Variants in ZBTB46 observed in about 807,000 individuals in gnomAD.
ZBTB46 encodes the protein zinc finger and BTB domain containing 46, also known as zinc finger and BTB domain-containing protein 46.
A neutral mutation model predicts 44.1 loss-of-function variants in ZBTB46; 8 were observed. That is an observed-to-expected ratio of 0.18 (90% CI 0.11 to 0.33). The LOEUF (loss-of-function observed/expected upper bound fraction) is 0.33. ZBTB46 is among the 10% of genes least tolerant of loss of function. The pLI is 1.00. For missense variants in ZBTB46, 651 were observed against 847.7 expected (o/e 0.77, Z 2.88); for synonymous variants, 409 against 382.3 (o/e 1.07, Z -0.81).
rs538967583 is a variant in ZBTB46, at chr20:63,805,750, T to C, written c.-33-14960A>G. ...CTAATACACAAAGCCATGCATCAGC[T>C]TTTTTTTTTTTTTCCTTTTTTTTGA... On this transcript the variant is annotated intron_variant, in intron 1 of 4. Transcript: ENST00000245663. 4.1e-3 allele frequency among the ~76,000 whole-genome samples: 400 copies of C among 97,176 alleles called. 1 individual carries two copies. Among genetic ancestry groups the C allele is most frequent in the Middle Eastern group, 0.013 (3 of 236 alleles). 63.8% of individuals were successfully genotyped at this position (97,176 alleles called of 152,430 possible).
intron 4 of ZBTB46, among the ~76,000 whole-genome samples, chr20:63,748,127 TC>T: frequency 6.6e-6 from 1 of 152,142 alleles, no homozygotes; most frequent in Middle Eastern, 3.4e-3. Context: ...AGGAGGCAAC[TC>T]CCCCACTCTC....
chr20:63,774,689 GTTTTTT>G (rs1292458776), intron 3 of ZBTB46, among the ~76,000 whole-genome samples: 1 of 44,138 alleles, frequency 2.3e-5, no homozygotes, highest in Admixed American at 2.4e-4. Context: ...GCTGCGGTGG[GTTTTTT>G]TTGTTTTTTT....
chr20:63,755,456 C>G (rs749485353), intron 3 of ZBTB46, among the ~76,000 whole-genome samples: 1 of 152,236 alleles, frequency 6.6e-6, no homozygotes, highest in African/African-American at 2.4e-5. Flanking sequence ...GGCCTTTTCT[C>G]TGTCTGTGTC....
At position 63,752,743 on chromosome 20, in the gene ZBTB46, G is replaced by A. The variant is rs1198127681; in HGVS notation, c.1341C>T (p.Pro447=). The change falls in exon 4 of 5, where the codon CCC becomes CCT. Residue 447 remains proline, a synonymous_variant. Transcript: ENST00000245663. This position sits in a 1 kb window ranked among gnomAD's most constrained non-coding sequence, Gnocchi z 5.6. Reference sequence around the variant, plus strand: ...TGAACTTCTTCCCGCAGATCTCGCAGGGGTAGGGCCGCTCTCCCGTGTGCG... The same window carrying A: ...TGAACTTCTTCCCGCAGATCTCGCAAGGGTAGGGCCGCTCTCCCGTGTGCG... ...MRSHTGERPY[P]CEICGKKFTR... is the part of the protein sequence containing the mutation. The A allele has an allele frequency of 2.5e-6, 4 of 1,611,100 alleles. No individual in the cohort carries two copies.
upstream of ZBTB46, among the ~76,000 whole-genome samples, chr20:63,831,420 C>CG (rs1480762900): frequency 7.0e-6 from 1 of 143,460 alleles, no homozygotes; most frequent in Non-Finnish European, 1.5e-5. Context: ...CCGCCCACGC[C>CG]GGCCCGGCCG....
Position 63,775,802 on chromosome 20 carries a change from C to G in ZBTB46, c.1098G>C (p.Ala366=). The G allele has an allele frequency of 1.2e-6, 2 of 1,613,394 alleles. No individual in the cohort carries two copies. The highest frequency in any genetic ancestry group is 1.7e-6 in the Non-Finnish European group (2 of 1,179,972). Residue 366 remains alanine, a synonymous_variant, in exon 3 of 5, where the codon GCG becomes GCC. Coordinates refer to ENST00000245663, the MANE Select transcript of ZBTB46 (RefSeq NM_001369741.1). ...EKDDALHQAT[A]VANLRAALMS... ...TGAGCGCCGCGCGCAGGTTGGCCAC[C>G]GCGGTGGCCTGATGCAGGGCGTCGT...
chr20:63,781,707 G>C (rs1445416269), intron 2 of ZBTB46, among the ~76,000 whole-genome samples: 1 of 151,990 alleles, frequency 6.6e-6, no homozygotes, highest in South Asian at 2.1e-4. Context: ...CAGGAGAATT[G>C]CTTGAACCTA....
Position 63,816,162 on chromosome 20 carries a change from G to A in ZBTB46, c.-34+14935C>T, listed in dbSNP as rs1033212140. On this transcript the variant is annotated intron_variant, in intron 1 of 4. Coordinates refer to ENST00000245663, the MANE Select transcript of ZBTB46 (RefSeq NM_001369741.1). ...GTGGGTGCAGGTGCAGTGGGTGCAG[G>A]TGCGGTGGGCACAGATGCAGTGGGC... 5.3e-3 allele frequency among the ~76,000 whole-genome samples: 777 copies of A among 147,028 alleles called. 9 individuals are homozygous for A. Among genetic ancestry groups the A allele is most frequent in the African/African-American group, 0.018 (720 of 39,176 alleles).
intron 1 of ZBTB46, among the ~76,000 whole-genome samples, chr20:63,802,156 C>T (rs1019005887): frequency 1.3e-5 from 2 of 152,130 alleles, no homozygotes; most frequent in African/African-American, 4.8e-5. Flanking sequence ...GACACGATGG[C>T]TCACACCTGT....
intron 2 of ZBTB46, among the ~76,000 whole-genome samples, chr20:63,781,808 G>A (rs1308911075): frequency 3.3e-5 from 5 of 151,338 alleles, no homozygotes; most frequent in Admixed American, 3.3e-4. Context: ...AATAGAGGCC[G>A]GGCGCGGTGG....
chr20:63,810,526 A>G (rs938178407), intron 1 of ZBTB46, among the ~76,000 whole-genome samples: 1 of 152,198 alleles, frequency 6.6e-6, no homozygotes, highest in Non-Finnish European at 1.5e-5. Flanking sequence ...CAGGTGGATC[A>G]TATGAGATCA....
At chr20:63,793,969 G>A (rs2145945532) in intron 1 of ZBTB46, among the ~76,000 whole-genome samples, 1 of 152,236 alleles carries the variant, frequency 6.6e-6, no homozygotes, top group Non-Finnish European at 1.5e-5. Context: ...GGTGGATCAT[G>A]AGGTCAGGAG....
At chr20:63,770,771 C>T (rs957644142) in intron 3 of ZBTB46, among the ~76,000 whole-genome samples, 4 of 152,212 alleles carry the variant, frequency 2.6e-5, no homozygotes, top group South Asian at 2.1e-4. Context: ...CCCGGCACCC[C>T]GTACCGCAAA....
chr20:63,833,151 G>A (rs1405967827), upstream of ZBTB46, among the ~76,000 whole-genome samples: 1 of 152,244 alleles, frequency 6.6e-6, no homozygotes, highest in Non-Finnish European at 1.5e-5. Context: ...TGTCCATGCA[G>A]GGATGGAGAG....
intron 1 of ZBTB46, among the ~76,000 whole-genome samples, chr20:63,805,916 G>A (rs745951839): frequency 6.6e-5 from 10 of 151,838 alleles, no homozygotes; most frequent in Admixed American, 2.0e-4. Flanking sequence ...GGGATTATAG[G>A]TGTGTGCCAC....
chr20:63,762,710 T>C (rs1601412076), intron 3 of ZBTB46, among the ~76,000 whole-genome samples: 2 of 151,762 alleles, frequency 1.3e-5, no homozygotes, highest in African/African-American at 4.8e-5. Context: ...TTAGGAGCAA[T>C]ATGCATTAGG....
chr20:63,827,131 C>T (rs2092823706), intron 1 of ZBTB46, among the ~76,000 whole-genome samples: 1 of 152,224 alleles, frequency 6.6e-6, no homozygotes, highest in Admixed American at 6.5e-5. Context: ...TTGCCAGCCT[C>T]TGCCAGCCAC....
chr20:63,823,697 C>A (rs2092804780), intron 1 of ZBTB46, among the ~76,000 whole-genome samples: 1 of 150,774 alleles, frequency 6.6e-6, no homozygotes, highest in Non-Finnish European at 1.5e-5. Flanking sequence ...GGCCCCTTCT[C>A]AAAAAAAAAT....
At chr20:63,825,504 C>A (rs956928374) in intron 1 of ZBTB46, among the ~76,000 whole-genome samples, 2 of 150,432 alleles carry the variant, frequency 1.3e-5, no homozygotes, top group Admixed American at 6.7e-5. Flanking sequence ...GCACAAACAG[C>A]CCTGGGCACT....
Sources: allele counts gnomAD v4.1 joint callset (sites outside exome capture counted in the v4.1 genomes callset), GRCh38; gene constraint gnomAD v4.1.1; non-coding constraint Gnocchi (gnomAD v3.1); transcripts MANE v1.5; gene names NCBI Gene and HGNC (gene_info 2026-07-23, HGNC 2026-07-21).